Variants in PCDHGA5 observed in about 807,000 individuals in gnomAD.
PCDHGA5 encodes the protein protocadherin gamma subfamily A, 5.
In PCDHGA5, 36 loss-of-function variants were observed where a neutral mutation model predicts 56.7. That is an observed-to-expected ratio of 0.64 (90% CI 0.49 to 0.84). PCDHGA5 has a LOEUF of 0.84. Ranked by LOEUF, PCDHGA5 falls within the 40% of genes least tolerant of loss-of-function variation. PCDHGA5 has a pLI of 0.00. For synonymous variants in PCDHGA5, 563 were observed against 520.2 expected (o/e 1.08, Z -1.12); for missense variants, 1,305 against 1,201.5 (o/e 1.09, Z -1.27).
intron 1 of PCDHGA5, chr5:141,433,201 CTTCT>C (rs759014851): frequency 3.9e-5 from 61 of 1,573,466 alleles, no homozygotes; most frequent in Admixed American, 1.2e-4. Flanking sequence ...TATATCAAAT[CTTCT>C]TTCTTTTTTT....
rs2099404773 is a variant in PCDHGA5 at position 141,477,081 on chromosome 5, T to C, written c.2422-17726T>C. ...GACACCAAACTCCATGAGATTTACA[T>C]CCAGGCCAAAGACAAGGGCGCCAAT... On this transcript the variant is annotated intron_variant, in intron 1 of 3. Transcript: ENST00000518069. The surrounding 1 kb of genome is among the most constrained non-coding windows in gnomAD (Gnocchi z 4.9). 6.2e-7 allele frequency: 1 copy of C among 1,614,104 alleles called. No individual in the cohort carries two copies. Among genetic ancestry groups the C allele is most frequent in the Non-Finnish European group, 8.5e-7 (1 of 1,180,052 alleles).
At chr5:141,409,674 TAGTGGCG>T in intron 1 of PCDHGA5, 1 of 1,613,414 alleles carries the variant, frequency 6.2e-7, no homozygotes, top group Non-Finnish European at 8.5e-7. Flanking sequence ...TCCTACTCTA[TAGTGGCG>T]AGTGACCTAG....
At chr5:141,416,014 A>G (rs1258459397) in intron 1 of PCDHGA5, 1 of 228,504 alleles carries the variant, frequency 4.4e-6, no homozygotes, top group African/African-American at 2.3e-5. Flanking sequence ...AAGAATAGGT[A>G]AGTATCAGAA....
intron 1 of PCDHGA5, chr5:141,371,022 C>T (rs758259761): frequency 1.2e-4 from 200 of 1,613,906 alleles, no homozygotes; most frequent in Non-Finnish European, 1.6e-4. Flanking sequence ...ACATCACCAC[C>T]TGGTCCTCAC....
Position 141,490,629 on chromosome 5 carries a change from C to T in PCDHGA5, c.2422-4178C>T, listed in dbSNP as rs1174984711. 1.2e-6 allele frequency: 2 copies of T among 1,614,214 alleles called. No individual in the cohort carries two copies. Among genetic ancestry groups the T allele is most frequent in the East Asian group, 2.2e-5 (1 of 44,882 alleles). On this transcript the variant is annotated intron_variant, in intron 1 of 3. Coordinates refer to ENST00000518069, the MANE Select transcript of PCDHGA5 (RefSeq NM_018918.3). This position sits in a 1 kb window ranked among gnomAD's most constrained non-coding sequence, Gnocchi z 5.4. ...ACCAGCAGCTTTACACTGCTTACAT[C>T]CTAGAAAACCGGCCTCCGGGCTCCC...
intron 1 of PCDHGA5, chr5:141,442,419 T>TG (rs1214499832): frequency 1.3e-5 from 2 of 152,192 alleles, no homozygotes; most frequent in African/African-American, 4.8e-5. Context: ...AGTGAACTTC[T>TG]TTTTTGAATC....
At chr5:141,447,797 T>C (rs536848880) in intron 1 of PCDHGA5, among the ~76,000 whole-genome samples, 16 of 152,022 alleles carry the variant, frequency 1.1e-4, no homozygotes, top group Admixed American at 7.9e-4. Context: ...TTTAAGAAAA[T>C]AAAATTGGCT....
Position 141,431,479 on chromosome 5 carries a change from A to T in PCDHGA5, c.2422-63328A>T. 1 of 1,613,892 alleles carries T rather than the reference A, an allele frequency of 6.2e-7. No individual in the cohort carries two copies. Among genetic ancestry groups the T allele is most frequent in the South Asian group, 1.1e-5 (1 of 91,092 alleles). On this transcript the variant is annotated intron_variant, in intron 1 of 3. Transcript: ENST00000518069. This position sits in a 1 kb window ranked among gnomAD's most constrained non-coding sequence, Gnocchi z 4.8. ...TTCTGGATGCGAACGACAACGCACC[A>T]GCGTTTGCTCAGCCCGAGTACCGCG...
In PCDHGA5 at chr5:141,409,582, C is replaced by A. The variant is rs2095287974; in HGVS notation, c.2421+42831C>A. On this transcript the variant is annotated intron_variant, in intron 1 of 3. Coordinates refer to ENST00000518069, the MANE Select transcript of PCDHGA5 (RefSeq NM_018918.3). ...TCGACCAGACGTCCTACGTGGTCCA[C>A]GTGGCCGAGAACAACCCGCCAGGAG... 2.5e-6 allele frequency: 4 copies of A among 1,613,914 alleles called. No homozygotes were observed. The Middle Eastern group carries it at 4.9e-4, about 200-fold the overall frequency.
Position 141,366,742 on chromosome 5 carries a change from G to A in PCDHGA5, c.2412G>A (p.Arg804=), listed in dbSNP as rs762560261. The part of the protein sequence containing the change: ...SDKVDANKEE[R]RVQQAPPNTD... ...AGGTAGATGCAAACAAAGAAGAACGGCGAGTTCAGGTTAGTTTTCTCTTTC... is the reference window on the plus strand; with the variant it reads ...AGGTAGATGCAAACAAAGAAGAACGACGAGTTCAGGTTAGTTTTCTCTTTC... The change falls in exon 1 of 4, where the codon CGG becomes CGA. Residue 804 remains arginine (R), a synonymous_variant. Transcript: ENST00000518069. 3 of 1,611,864 alleles carry A rather than the reference G, an allele frequency of 1.9e-6. No homozygotes were observed. The East Asian group carries it at 6.7e-5, about 36-fold the overall frequency.
chr5:141,389,726 C>T (rs150721796), intron 1 of PCDHGA5: 77,154 of 1,612,710 alleles, frequency 0.048, 2,225 homozygotes, highest in Non-Finnish European at 0.054. Context: ...AGCCCGGGCT[C>T]TTCAGCCTGG....
intron 1 of PCDHGA5, chr5:141,388,630 T>G (rs754073337): frequency 6.2e-7 from 1 of 1,613,816 alleles, no homozygotes; most frequent in Admixed American, 1.7e-5. Context: ...GTATACAGGG[T>G]GAGCCTTTCA....
rs750036800 is a variant in PCDHGA5, at chr5:141,419,495, G to A, written c.2421+52744G>A. On this transcript the variant is annotated intron_variant, in intron 1 of 3. Coordinates refer to ENST00000518069, the MANE Select transcript of PCDHGA5 (RefSeq NM_018918.3). ...GGGCTCGCCCGCGCTCAGCGCCAAT[G>A]TGAGCCTGCGCGTGTTGGTGGGCGA... The A allele has an allele frequency of 5.0e-6, 8 of 1,612,432 alleles. No individual in the cohort carries two copies. The Admixed American group carries it at 1.3e-4, about 27-fold the overall frequency.
Position 141,364,166 on chromosome 5 carries a change from C to A in PCDHGA5, c.-165C>A. 2.8e-6 allele frequency: 2 copies of A among 715,060 alleles called. No individual in the cohort carries two copies. Among genetic ancestry groups the A allele is most frequent in the Non-Finnish European group, 4.1e-6 (2 of 489,516 alleles). The allele number at this position is 715,060 out of a possible 1,614,324, so 44.3% of individuals were successfully genotyped here. On this transcript the variant is annotated 5_prime_UTR_variant, in exon 1 of 4. Transcript: ENST00000518069. Reference sequence around the variant, plus strand: ...GAAAGAAGCTGCCGCAGAGGCGACCCGACTCTGCTCCCTCCATACTAAACA... The same window carrying A: ...GAAAGAAGCTGCCGCAGAGGCGACCAGACTCTGCTCCCTCCATACTAAACA...
At chr5:141,393,718 C>A in intron 1 of PCDHGA5, 2 of 1,613,644 alleles carry the variant, frequency 1.2e-6, no homozygotes, top group Non-Finnish European at 1.7e-6. Flanking sequence ...GGGGAAATAT[C>A]AATAGCAAAA....
At position 141,384,387 on chromosome 5, in the gene PCDHGA5, C is replaced by T. The variant is rs774707320; in HGVS notation, c.2421+17636C>T. The T allele has an allele frequency of 3.1e-6, 5 of 1,613,950 alleles. No homozygotes were observed. The South Asian group carries it at 5.5e-5, about 18-fold the overall frequency. On this transcript the variant is annotated intron_variant, in intron 1 of 3. Transcript: ENST00000518069. ...CTTATTCCTTGGCCGAAGACACCATCCAGGGGGCTCCAGTGTCCTCCTATG... is the reference window on the plus strand; with the variant it reads ...CTTATTCCTTGGCCGAAGACACCATTCAGGGGGCTCCAGTGTCCTCCTATG...
At chr5:141,401,532 A>G (rs1461153273) in intron 1 of PCDHGA5, among the ~76,000 whole-genome samples, 2 of 152,260 alleles carry the variant, frequency 1.3e-5, no homozygotes, top group Non-Finnish European at 2.9e-5. Context: ...GAAGAAACTT[A>G]CAAAAAAAAG....
At chr5:141,399,092 G>T (rs573118488) in intron 1 of PCDHGA5, 2 of 1,613,810 alleles carry the variant, frequency 1.2e-6, no homozygotes, top group Non-Finnish European at 1.7e-6. Context: ...GATGGTGGTG[G>T]ACTGGTTGCA....
At chr5:141,371,007 C>A in intron 1 of PCDHGA5, 1 of 1,613,962 alleles carries the variant, frequency 6.2e-7, no homozygotes, top group South Asian at 1.1e-5. Flanking sequence ...CAGGGAAGAG[C>A]AGCCACATCA....
Sources: allele counts gnomAD v4.1 joint callset (sites outside exome capture counted in the v4.1 genomes callset), GRCh38; gene constraint gnomAD v4.1.1; non-coding constraint Gnocchi (gnomAD v3.1); transcripts MANE v1.5; gene names NCBI Gene and HGNC (gene_info 2026-07-23, HGNC 2026-07-21).